Variants in RETREG1 observed in about 807,000 individuals in gnomAD.
The protein encoded by RETREG1 is reticulophagy regulator 1, also known as family with sequence similarity 134 member B.
Under a neutral mutation model 54.8 loss-of-function variants are expected in RETREG1, and 44 were observed. That is an observed-to-expected ratio of 0.80 (90% CI 0.63 to 1.03). The LOEUF is 1.03. RETREG1 is among the 50% of genes least tolerant of loss of function. RETREG1 has a pLI of 0.00. For synonymous variants in RETREG1, 217 were observed against 238.5 expected, an observed-to-expected ratio of 0.91 and a Z score of 0.83; for missense variants, 554 against 605.1, an observed-to-expected ratio of 0.92 and a Z score of 0.89.
At chr5:16,576,334 C>T (rs1397361943) in intron 1 of RETREG1, among the ~76,000 whole-genome samples, 1 of 147,008 alleles carries the variant, frequency 6.8e-6, no homozygotes, top group Non-Finnish European at 1.5e-5. Flanking sequence ...TGCTCTGTCG[C>T]CAGGCTGGAG....
At chr5:16,547,553 C>A (rs1183723776) in intron 3 of RETREG1, among the ~76,000 whole-genome samples, 4 of 152,104 alleles carry the variant, frequency 2.6e-5, no homozygotes, top group South Asian at 2.1e-4. Context: ...AAATAAATAA[C>A]TTATGTTTCA....
At chr5:16,503,434 C>T (rs966309130) in intron 3 of RETREG1, among the ~76,000 whole-genome samples, 23 of 151,898 alleles carry the variant, frequency 1.5e-4, no homozygotes, top group Admixed American at 4.6e-4. Context: ...TTTGGGAGCC[C>T]GAGGCGGGTG....
chr5:16,542,767 T>C (rs186741871), intron 3 of RETREG1, among the ~76,000 whole-genome samples: 192 of 152,354 alleles, frequency 1.3e-3, no homozygotes, highest in African/African-American at 4.2e-3. Flanking sequence ...ACTGACTTCT[T>C]AACAGAACAG....
chr5:16,498,839 G>A lies in RETREG1; in HGVS notation c.459-15367C>T, dbSNP rs1304110235. Among the ~76,000 whole-genome samples, 3 of 152,186 alleles carry A rather than the reference G, an allele frequency of 2.0e-5. No homozygotes were observed. The East Asian group carries it at 5.8e-4, about 29-fold the overall frequency. ...ATGTGAAGGCCTAGGACATTACTGTGCACTACTGTAGACTTTACAAACCCT... is the reference window on the plus strand; with the variant it reads ...ATGTGAAGGCCTAGGACATTACTGTACACTACTGTAGACTTTACAAACCCT... On this transcript the variant is annotated intron_variant, in intron 3 of 8. Transcript: ENST00000306320.
At chr5:16,592,998 A>G (rs984111908) in intron 1 of RETREG1, among the ~76,000 whole-genome samples, 1 of 152,210 alleles carries the variant, frequency 6.6e-6, no homozygotes, top group African/African-American at 2.4e-5. Context: ...CCAAACTTTG[A>G]TATGAGTTCA....
chr5:16,589,186 C>T (rs1052604809), intron 1 of RETREG1, among the ~76,000 whole-genome samples: 11 of 152,158 alleles, frequency 7.2e-5, no homozygotes, highest in Non-Finnish European at 1.2e-4. Context: ...GACCTGGATG[C>T]GGACTGTTGT....
intron 1 of RETREG1, among the ~76,000 whole-genome samples, chr5:16,603,712 C>G (rs1472485795): frequency 6.7e-6 from 1 of 149,762 alleles, no homozygotes; most frequent in African/African-American, 2.4e-5. Context: ...CACAACATGT[C>G]GGTACCCCAA....
chr5:16,545,701 C>T (rs980608753), intron 3 of RETREG1, among the ~76,000 whole-genome samples: 57 of 152,322 alleles, frequency 3.7e-4, no homozygotes, highest in African/African-American at 1.3e-3. Context: ...TTCCTGGGAA[C>T]GTCTTGGTTC....
intron 8 of RETREG1, among the ~76,000 whole-genome samples, 161 bp from the exon 9 acceptor site, chr5:16,475,395 C>T (rs539633661): frequency 3.9e-5 from 6 of 152,032 alleles, no homozygotes; most frequent in Non-Finnish European, 7.4e-5. Context: ...ATACTGAACT[C>T]CTCCTAATCC....
intron 3 of RETREG1, among the ~76,000 whole-genome samples, chr5:16,515,252 C>T (rs923537042): frequency 5.9e-5 from 9 of 152,084 alleles, no homozygotes; most frequent in African/African-American, 2.2e-4. Context: ...AACCTGGAAG[C>T]CCCACAAGTA....
rs190923032 is a variant in RETREG1, at chr5:16,585,712, A to G, written c.321-13610T>C. On this transcript the variant is annotated intron_variant, in intron 1 of 8. Coordinates refer to ENST00000306320, the MANE Select transcript of RETREG1 (RefSeq NM_001034850.3). The surrounding 1 kb of genome is among the most constrained non-coding windows in gnomAD (Gnocchi z 4.5). Reference sequence around the variant, plus strand: ...TGGCTCTTGGTTCTGCAGGCTGTACAGGAAGCATGGGGTCAGCATCTGCTC... The same window carrying G: ...TGGCTCTTGGTTCTGCAGGCTGTACGGGAAGCATGGGGTCAGCATCTGCTC... Among the ~76,000 whole-genome samples, 25 of 152,346 alleles carry G rather than the reference A, an allele frequency of 1.6e-4. No homozygotes were observed. In the East Asian group the frequency reaches 4.0e-3, roughly 25 times the overall value.
chr5:16,473,594 A>G lies in RETREG1; in HGVS notation c.*1147T>C, dbSNP rs1358164182. The G allele has an allele frequency of 6.6e-6, 1 of 152,542 alleles. No individual in the cohort carries two copies. The highest frequency in any genetic ancestry group is 1.5e-5 in the Non-Finnish European group (1 of 67,994). 9.4% of individuals were successfully genotyped at this position (152,542 alleles called of 1,614,324 possible). Reference sequence around the variant, plus strand: ...CCTCGACACTTAAAGTTTATATCACAAAAACAAAACTAGGTTGGTTTCAGC... The same window carrying G: ...CCTCGACACTTAAAGTTTATATCACGAAAACAAAACTAGGTTGGTTTCAGC... On this transcript the variant is annotated 3_prime_UTR_variant, in exon 9 of 9. Coordinates refer to ENST00000306320, the MANE Select transcript of RETREG1 (RefSeq NM_001034850.3).
intron 3 of RETREG1, among the ~76,000 whole-genome samples, chr5:16,500,932 G>A (rs1459371699): frequency 6.6e-6 from 1 of 152,082 alleles, no homozygotes; most frequent in African/African-American, 2.4e-5. Context: ...ACACCCCCTA[G>A]AGGAGACTAC....
intron 2 of RETREG1, among the ~76,000 whole-genome samples, chr5:16,569,143 G>T (rs1330472328): frequency 3.3e-5 from 5 of 152,102 alleles, no homozygotes; most frequent in Non-Finnish European, 5.9e-5. Context: ...CTGCGAGATG[G>T]GACTGCTGCC....
At chr5:16,527,826 T>A in intron 3 of RETREG1, among the ~76,000 whole-genome samples, 1 of 138,726 alleles carries the variant, frequency 7.2e-6, no homozygotes, top group African/African-American at 2.8e-5. Flanking sequence ...TTTTTTTTTT[T>A]TGAGATGCAG....
intron 3 of RETREG1, among the ~76,000 whole-genome samples, chr5:16,539,597 G>T (rs888778538): frequency 2.1e-4 from 32 of 152,238 alleles, no homozygotes; most frequent in African/African-American, 6.7e-4. Flanking sequence ...TGCACAAGCT[G>T]TCCCATGCTT....
At chr5:16,603,447 C>T (rs1233396760) in intron 1 of RETREG1, among the ~76,000 whole-genome samples, 1 of 152,154 alleles carries the variant, frequency 6.6e-6, no homozygotes, top group Non-Finnish European at 1.5e-5. Flanking sequence ...TAGATGGAGT[C>T]TAGGCTGGGG....
chr5:16,478,843 T>C lies in RETREG1; in HGVS notation c.808+7A>G, dbSNP rs1738645038. ...TGCATAGAATCTAAAATATAAACTTTACCTACCAGATCTCTCACGTTTCTT... is the reference window on the plus strand; with the variant it reads ...TGCATAGAATCTAAAATATAAACTTCACCTACCAGATCTCTCACGTTTCTT... On this transcript the variant is annotated splice_region_variant and intron_variant, in intron 6 of 8. Coordinates refer to ENST00000306320, the MANE Select transcript of RETREG1 (RefSeq NM_001034850.3). 1 of 1,611,026 alleles carries C rather than the reference T, an allele frequency of 6.2e-7. No homozygotes were observed. The highest frequency in any genetic ancestry group is 2.2e-5 in the East Asian group (1 of 44,728).
intron 1 of RETREG1, among the ~76,000 whole-genome samples, chr5:16,609,388 A>G (rs1450115960): frequency 6.7e-6 from 1 of 149,126 alleles, no homozygotes; most frequent in African/African-American, 2.5e-5. Context: ...GTAACTGTAT[A>G]TAACTATACA....
Sources: gnomAD v4.1 joint callset for allele counts (sites outside exome capture counted in the v4.1 genomes callset) on GRCh38, gnomAD v4.1.1 for gene constraint, Gnocchi (gnomAD v3.1) non-coding constraint, MANE v1.5 for transcripts, NCBI Gene and HGNC (gene_info 2026-07-23, HGNC 2026-07-21) for gene names.